Variants in THAP9 observed in about 807,000 individuals in gnomAD.
THAP9 encodes THAP domain containing 9, also known as DNA transposase THAP9.
In THAP9, 20 loss-of-function variants were observed where a neutral mutation model predicts 35.7. The ratio of observed to expected loss-of-function variants is 0.56; its 90% confidence interval spans 0.39 to 0.81. The LOEUF is 0.81. THAP9 is among the 40% of genes least tolerant of loss of function. The pLI, the probability that THAP9 is intolerant of heterozygous loss-of-function variation, is 0.00. For missense variants in THAP9, 870 were observed against 1,047.4 expected, an observed-to-expected ratio of 0.83 and a Z score of 2.34; for synonymous variants, 335 against 373.7, an observed-to-expected ratio of 0.90 and a Z score of 1.19.
rs1001880703 is a variant in THAP9 at position 82,919,559 on chromosome 4, A to T, written c.*635A>T. 1 of 152,220 alleles carries T rather than the reference A, an allele frequency of 6.6e-6. No individual in the cohort carries two copies. Among genetic ancestry groups the T allele is most frequent in the African/African-American group, 2.4e-5 (1 of 41,438 alleles). 9.4% of individuals were successfully genotyped at this position (152,220 alleles called of 1,614,324 possible). On this transcript the variant is annotated 3_prime_UTR_variant, in exon 5 of 5. Transcript: ENST00000302236. Reference sequence around the variant, plus strand: ...AGCCACGCTGGGGAGTGCAATCTGGAAAGAACATACCTAATGTGTTTTTCA... The same window carrying T: ...AGCCACGCTGGGGAGTGCAATCTGGTAAGAACATACCTAATGTGTTTTTCA...
intron 3 of THAP9, 101 bp downstream of exon 3, chr4:82,906,728 G>A: frequency 8.5e-7 from 1 of 1,175,440 alleles, no homozygotes. Flanking sequence ...CATGCTTTCA[G>A]TTGGGAAGTG....
At chr4:82,908,574 C>T (rs1444794928) in intron 4 of THAP9, among the ~76,000 whole-genome samples, 1 of 152,152 alleles carries the variant, frequency 6.6e-6, no homozygotes, top group Non-Finnish European at 1.5e-5. Context: ...ACTGTTTTTA[C>T]CACTAGTTTT....
chr4:82,905,828 A>G (rs953689401), intron 2 of THAP9: 2 of 455,436 alleles, frequency 4.4e-6, no homozygotes, highest in East Asian at 6.9e-5. Context: ...TGTATCTTCA[A>G]AAGAATCCTG....
At position 82,917,967 on chromosome 4, in the gene THAP9, A is replaced by G. The variant is rs1332497193; in HGVS notation, c.1755A>G (p.Lys585=). 6.2e-7 allele frequency: 1 copy of G among 1,613,932 alleles called. No individual in the cohort carries two copies. Among genetic ancestry groups the G allele is most frequent in the African/African-American group, 1.3e-5 (1 of 74,932 alleles). Residue 585 remains lysine, a synonymous_variant, in exon 5 of 5, where the codon AAA becomes AAG. Coordinates refer to ENST00000302236, the MANE Select transcript of THAP9 (RefSeq NM_024672.6). ...LGFLLNAESL[K]WLYQNYVFPK... ...TTTTGCTCAATGCTGAGAGCTTAAA[A>G]TGGCTCTACCAAAATTATGTTTTCC...
rs1297331105 is a variant in THAP9 at position 82,918,115 on chromosome 4, C to T, written c.1903C>T (p.Gln635Ter). The T allele has an allele frequency of 6.2e-7, 1 of 1,614,130 alleles. No individual in the cohort carries two copies. The highest frequency in any genetic ancestry group is 1.3e-5 in the African/African-American group (1 of 75,056). The change falls in exon 5 of 5, where the codon CAG (glutamine) becomes TAG (stop). Residue 635 changes from glutamine (Q) to a stop codon, truncating the protein, a stop_gained. Transcript: ENST00000302236. LOFTEE classifies it low-confidence loss of function (END_TRUNC). ...TSSSPTCMAF[Q>*]KAYYNLETRY... ...TTCTAGCCCTACCTGCATGGCATTCCAGAAAGCTTACTATAATTTGGAGAC... is the reference window on the plus strand; with the variant it reads ...TTCTAGCCCTACCTGCATGGCATTCTAGAAAGCTTACTATAATTTGGAGAC...
intron 3 of THAP9, 101 bp downstream of exon 3, chr4:82,906,728 G>C: frequency 3.4e-6 from 4 of 1,175,434 alleles, no homozygotes; most frequent in Non-Finnish European, 4.6e-6. Context: ...CATGCTTTCA[G>C]TTGGGAAGTG....
In THAP9 at chr4:82,902,463, G is replaced by A. The variant is rs112316619; in HGVS notation, c.80+1581G>A. ...GGGCTGCCTTCAAGTAACTACTCAG[G>A]TGTCCCAGCCCACCCCATGGACTAA... On this transcript the variant is annotated intron_variant, in intron 1 of 4. Coordinates refer to ENST00000302236, the MANE Select transcript of THAP9 (RefSeq NM_024672.6). Among the ~76,000 whole-genome samples, 467 of 152,136 alleles carry A rather than the reference G, an allele frequency of 3.1e-3. 4 individuals are homozygous for A. The highest frequency in any genetic ancestry group is 0.011 in the African/African-American group (446 of 41,496).
Position 82,918,104 on chromosome 4 carries a change from G to C in THAP9, c.1892G>C (p.Cys631Ser). 6.2e-7 allele frequency: 1 copy of C among 1,614,074 alleles called. No individual in the cohort carries two copies. Among genetic ancestry groups the C allele is most frequent in the Non-Finnish European group, 8.5e-7 (1 of 1,179,996 alleles). ...QVLVTSSSPTCMAFQKAYYNL... is the reference protein window; with the variant it reads ...QVLVTSSSPTSMAFQKAYYNL... ...TTAGTAACAAGTTCTAGCCCTACCT[G>C]CATGGCATTCCAGAAAGCTTACTAT... The change falls in exon 5 of 5, where the codon TGC (cysteine) becomes TCC (serine). Residue 631 changes from cysteine to serine, a missense_variant. Physicochemically the swap from Cys to Ser is moderately radical, Grantham distance 112. Coordinates refer to ENST00000302236, the MANE Select transcript of THAP9 (RefSeq NM_024672.6).
At position 82,907,836 on chromosome 4, in the gene THAP9, A is replaced by G; in HGVS notation, c.632A>G (p.Glu211Gly). Residue 211 changes from glutamate (E) to glycine (G), a missense_variant, in exon 4 of 5, where the codon GAA becomes GGA. By Grantham distance (98) the Glu-to-Gly change is moderately conservative. Coordinates refer to ENST00000302236, the MANE Select transcript of THAP9 (RefSeq NM_024672.6). ...NWRETDEYSA[E>G]MKQFACTLYL... ...AGAGAAACAGATGAGTACTCCGCAG[A>G]AATGAAACAATTTGCATGTACACTC... is the stretch of plus-strand genomic sequence containing the variant. 6.2e-7 allele frequency: 1 copy of G among 1,610,638 alleles called. No individual in the cohort carries two copies. The highest frequency in any genetic ancestry group is 8.5e-7 in the Non-Finnish European group (1 of 1,178,686).
chr4:82,918,157 G>A lies in THAP9; in HGVS notation c.1945G>A (p.Asp649Asn), dbSNP rs1207010654. The change falls in exon 5 of 5, where the codon GAT becomes AAT. Residue 649 changes from aspartate to asparagine, a missense_variant. By Grantham distance (23) the Asp-to-Asn change is conservative. This residue lies in a region of THAP9 where 414 missense variants were observed against 500.8 expected (regional missense o/e 0.83). Transcript: ENST00000302236. ...YNLETRYKFQ[D>N]EVFLSKVSIF... is the part of the protein sequence containing the mutation. Reference sequence around the variant, plus strand: ...TTTGGAGACCAGATACAAATTTCAAGATGAAGTTTTTCTAAGCAAAGTAAG... The same window carrying A: ...TTTGGAGACCAGATACAAATTTCAAAATGAAGTTTTTCTAAGCAAAGTAAG... 1 of 1,614,170 alleles carries A rather than the reference G, an allele frequency of 6.2e-7. No homozygotes were observed. Among genetic ancestry groups the A allele is most frequent in the South Asian group, 1.1e-5 (1 of 91,080 alleles).
chr4:82,907,450 A>T (rs1337642499), intron 3 of THAP9, among the ~76,000 whole-genome samples: 1 of 152,054 alleles, frequency 6.6e-6, no homozygotes, highest in Non-Finnish European at 1.5e-5. Context: ...TCACCCTCAG[A>T]TAAATAGTAA....
Position 82,904,064 on chromosome 4 carries a change from T to C in THAP9, c.81-672T>C, listed in dbSNP as rs922565613. Among the ~76,000 whole-genome samples, 816 of 99,770 alleles carry C rather than the reference T, an allele frequency of 8.2e-3. 9 individuals carry two copies. Among genetic ancestry groups the C allele is most frequent in the African/African-American group, 0.031 (779 of 25,438 alleles). 65.5% of individuals were successfully genotyped at this position (99,770 alleles called of 152,430 possible). A position where few individuals can be genotyped will look rare whatever the true frequency, so the allele number is the denominator to read the frequency against. On this transcript the variant is annotated intron_variant, in intron 1 of 4. Transcript: ENST00000302236. ...GAGGGGAATTAGGCTCCCCCTTTTT[T>C]TTTTTTTTTTTTTTTTTGTTACGGA... is the stretch of plus-strand genomic sequence containing the variant.
At chr4:82,901,077 G>A (rs1480049636) in intron 1 of THAP9, 195 bp downstream of exon 1, 1 of 740,218 alleles carries the variant, frequency 1.4e-6, no homozygotes, top group Admixed American at 2.0e-5. Context: ...CCCGCCCAGT[G>A]TTTACCTCTG....
chr4:82,905,920 A>T, intron 2 of THAP9: 1 of 456,462 alleles, frequency 2.2e-6, no homozygotes, highest in South Asian at 1.5e-5. Context: ...CTAAGATTCA[A>T]ACCCAGGTCA....
chr4:82,918,221 C>A lies in THAP9; in HGVS notation c.2009C>A (p.Ala670Glu), dbSNP rs141598796. The A allele has an allele frequency of 1.4e-4, 222 of 1,614,130 alleles. 1 individual carries two copies. In the African/African-American group the frequency reaches 2.1e-3, roughly 15 times the overall value. The change falls in exon 5 of 5, where the codon GCG becomes GAG. Residue 670 changes from alanine to glutamate, a missense_variant. Around this residue, in one of 3 missense-constraint regions of THAP9, gnomAD observed 414 missense variants for 500.8 expected, o/e 0.83. Transcript: ENST00000302236. ...DISIARRKDL[A>E]LWTVQRQYGV... ...TCAATTGCTCGAAGGAAAGACTTGGCGCTTTGGACAGTTCAACGTCAGTAT... is the reference window on the plus strand; with the variant it reads ...TCAATTGCTCGAAGGAAAGACTTGGAGCTTTGGACAGTTCAACGTCAGTAT...
At position 82,919,399 on chromosome 4, in the gene THAP9, T is replaced by G. The variant is rs1307033584; in HGVS notation, c.*475T>G. ...TTTTACTTAAATATGAAAATTATAG[T>G]TTGAAAATTAGGCTCAAGCAAATAT... On this transcript the variant is annotated 3_prime_UTR_variant, in exon 5 of 5. Coordinates refer to ENST00000302236, the MANE Select transcript of THAP9 (RefSeq NM_024672.6). 6.6e-6 allele frequency: 1 copy of G among 152,386 alleles called. No individual in the cohort carries two copies. Among genetic ancestry groups the G allele is most frequent in the Non-Finnish European group, 1.5e-5 (1 of 68,200 alleles). The allele number at this position is 152,386 out of a possible 1,614,324, so 9.4% of individuals were successfully genotyped here. A position where few individuals can be genotyped will look rare whatever the true frequency, so the allele number is the denominator to read the frequency against.
intron 2 of THAP9, among the ~76,000 whole-genome samples, chr4:82,905,697 C>G (rs962033445): frequency 6.6e-6 from 1 of 152,102 alleles, no homozygotes; most frequent in African/African-American, 2.4e-5. Flanking sequence ...TATATACTTA[C>G]TATATATGTG....
At chr4:82,901,443 G>C (rs1200258756) in intron 1 of THAP9, among the ~76,000 whole-genome samples, 1 of 152,104 alleles carries the variant, frequency 6.6e-6, no homozygotes, top group Non-Finnish European at 1.5e-5. Flanking sequence ...AGGTCATTCA[G>C]TATTCAGGGT....
Position 82,918,671 on chromosome 4 carries a change from A to G in THAP9, c.2459A>G (p.His820Arg). The G allele has an allele frequency of 6.2e-7, 1 of 1,614,068 alleles. No individual in the cohort carries two copies. Among genetic ancestry groups the G allele is most frequent in the Non-Finnish European group, 8.5e-7 (1 of 1,179,956 alleles). The change falls in exon 5 of 5, where the codon CAT becomes CGT. Residue 820 changes from histidine (H) to arginine (R), a missense_variant. Physicochemically the swap from His to Arg is conservative, Grantham distance 29. Around this residue, in one of 3 missense-constraint regions of THAP9, gnomAD observed 414 missense variants for 500.8 expected, o/e 0.83. Transcript: ENST00000302236. ...HINLFVDVNK[H>R]LFDGEVCAIN... ...AATCTTTTTGTAGATGTGAATAAGC[A>G]TCTCTTTGATGGAGAAGTGTGTGCC...
Sources: gnomAD v4.1 joint callset for allele counts (sites outside exome capture counted in the v4.1 genomes callset) on GRCh38, gnomAD v4.1.1 for gene constraint, gnomAD v4.1.1 regional missense constraint, MANE v1.5 for transcripts, NCBI Gene and HGNC (gene_info 2026-07-23, HGNC 2026-07-21) for gene names.